SMAP1: variants seen among roughly 807,000 people sequenced by gnomAD.
The protein encoded by SMAP1 is small ArfGAP 1, also known as stromal membrane-associated protein 1.
SMAP1 carries 24 observed loss-of-function variants against 58.5 expected under a neutral mutation model. The ratio of observed to expected loss-of-function variants is 0.41; its 90% CI spans 0.30 to 0.58. The LOEUF is 0.58. SMAP1 is among the 20% of genes least tolerant of loss of function. The probability of loss-of-function intolerance (pLI) is 0.29; values close to 1 mark genes in which losing one functional copy is unlikely to be tolerated. For missense variants in SMAP1, 563 were observed against 566.3 expected (o/e 0.99, Z 0.06); for synonymous variants, 216 against 196.6 (o/e 1.10, Z -0.82).
intron 6 of SMAP1, among the ~76,000 whole-genome samples, chr6:70,800,747 A>G (rs1768808373): frequency 6.8e-6 from 1 of 148,058 alleles, no homozygotes; most frequent in African/African-American, 2.5e-5. Context: ...ATTCCCACCT[A>G]TGAGTGAGAA....
chr6:70,803,443 C>A (rs1048636735), intron 6 of SMAP1, among the ~76,000 whole-genome samples: 1 of 152,006 alleles, frequency 6.6e-6, no homozygotes, highest in African/African-American at 2.4e-5. Flanking sequence ...TTCAAAAAAC[C>A]ACTCCTGGAT....
chr6:70,825,130 G>A (rs1770059294), intron 6 of SMAP1, among the ~76,000 whole-genome samples: 1 of 152,190 alleles, frequency 6.6e-6, no homozygotes, highest in Non-Finnish European at 1.5e-5. Flanking sequence ...GACACACATT[G>A]CGCATATATC....
At chr6:70,691,957 T>C (rs1767186925) in intron 1 of SMAP1, among the ~76,000 whole-genome samples, 1 of 152,216 alleles carries the variant, frequency 6.6e-6, no homozygotes, top group Non-Finnish European at 1.5e-5. Context: ...AATTATTTCC[T>C]TTCTTTTGGG....
chr6:70,772,641 TACTC>T (rs1380963428), intron 3 of SMAP1, among the ~76,000 whole-genome samples: 1 of 152,152 alleles, frequency 6.6e-6, no homozygotes, highest in Non-Finnish European at 1.5e-5. Context: ...CAGTATAAAT[TACTC>T]ACTCTATTAA....
intron 4 of SMAP1, among the ~76,000 whole-genome samples, chr6:70,781,492 A>G (rs1767762477): frequency 6.6e-6 from 1 of 152,370 alleles, no homozygotes; most frequent in East Asian, 1.9e-4. Context: ...TTCATGGTAT[A>G]CTAAAAGCTC....
chr6:70,738,515 A>G (rs930232054), intron 2 of SMAP1, among the ~76,000 whole-genome samples: 2 of 151,924 alleles, frequency 1.3e-5, no homozygotes, highest in Admixed American at 1.3e-4. Context: ...TATTCCTAGA[A>G]AAACCTATGA....
rs1183914017 is a variant in SMAP1, at chr6:70,791,589, A to G, written c.415-100A>G. 19 of 915,466 alleles carry G rather than the reference A, an allele frequency of 2.1e-5. No individual in the cohort carries two copies. The South Asian group carries it at 2.4e-4, about 11-fold the overall frequency. The allele number at this position is 915,466 out of a possible 1,614,324, so 56.7% of individuals were successfully genotyped here. On this transcript the variant is annotated intron_variant, in intron 4 of 10. Coordinates refer to ENST00000370455, the MANE Select transcript of SMAP1 (RefSeq NM_001044305.3). ...TTAACATGCCTCTAAGTGCTTCTATATCTCAAAAATATACAGGGATTTTTT... is the reference window on the plus strand; with the variant it reads ...TTAACATGCCTCTAAGTGCTTCTATGTCTCAAAAATATACAGGGATTTTTT...
In SMAP1 at chr6:70,856,862, A is replaced by T; in HGVS notation, c.793A>T (p.Thr265Ser). ...PATVMPPAQG[T>S]PSAPAAATLS... ...CTTATTTTGGTGTTTGTCTCAGGGG[A>T]CACCCTCTGCACCAGCAGCTGCAAC... The change falls in exon 9 of 11, where the codon ACA (threonine) becomes TCA (serine). Residue 265 changes from threonine (T) to serine (S), a missense_variant. Transcript: ENST00000370455. 3.1e-6 allele frequency: 5 copies of T among 1,608,852 alleles called. No individual in the cohort carries two copies. Among genetic ancestry groups the T allele is most frequent in the Non-Finnish European group, 4.2e-6 (5 of 1,177,224 alleles).
intron 1 of SMAP1, among the ~76,000 whole-genome samples, chr6:70,692,193 T>C (rs1767198542): frequency 6.6e-6 from 1 of 152,228 alleles, no homozygotes. Context: ...TCAGTGATGT[T>C]GAGCACCTTT....
At chr6:70,668,230 G>T in intron 1 of SMAP1, 89 bp downstream of exon 1, 1 of 1,227,908 alleles carries the variant, frequency 8.1e-7, no homozygotes, top group Non-Finnish European at 1.1e-6. Flanking sequence ...CCGAGCGGAC[G>T]CCTCGGCTTC....
intron 6 of SMAP1, among the ~76,000 whole-genome samples, chr6:70,832,172 A>T (rs904166781): frequency 6.6e-6 from 1 of 152,156 alleles, no homozygotes; most frequent in African/African-American, 2.4e-5. Context: ...CCTTTGTCAG[A>T]CGCATACTTA....
chr6:70,741,790 A>G (rs1370702524), intron 2 of SMAP1, among the ~76,000 whole-genome samples: 1 of 152,184 alleles, frequency 6.6e-6, no homozygotes, highest in Non-Finnish European at 1.5e-5. Context: ...TTCTGTTTGG[A>G]CATCCAGGTA....
intron 6 of SMAP1, among the ~76,000 whole-genome samples, chr6:70,828,607 A>G (rs2149989934): frequency 6.6e-6 from 1 of 152,328 alleles, no homozygotes; most frequent in Admixed American, 6.5e-5. Flanking sequence ...CCCCATTGAA[A>G]AACAGTGACA....
At chr6:70,838,133 A>G (rs1178154785) in intron 7 of SMAP1, among the ~76,000 whole-genome samples, 1 of 152,182 alleles carries the variant, frequency 6.6e-6, no homozygotes, top group East Asian at 1.9e-4. Context: ...TAAATGAGAG[A>G]AAAAGAAAAG....
chr6:70,859,639 T>TTA (rs1036889420), intron 10 of SMAP1: 775 of 306,588 alleles, frequency 2.5e-3, no homozygotes, highest in Middle Eastern at 6.7e-3. Flanking sequence ...GTTAAGATGC[T>TTA]TATATATATA....
At chr6:70,846,017 A>G (rs1057359476) in intron 7 of SMAP1, among the ~76,000 whole-genome samples, 1 of 152,164 alleles carries the variant, frequency 6.6e-6, no homozygotes, top group African/African-American at 2.4e-5. Context: ...CCAGTCCAGG[A>G]TATTGGTAGC....
chr6:70,797,169 T>C (rs1464303179), intron 5 of SMAP1, among the ~76,000 whole-genome samples: 1 of 152,204 alleles, frequency 6.6e-6, no homozygotes, highest in Non-Finnish European at 1.5e-5. Flanking sequence ...TGAATTTCTT[T>C]TAAAATTTTG....
At chr6:70,751,553 C>T (rs1009108246) in intron 2 of SMAP1, among the ~76,000 whole-genome samples, 5 of 151,506 alleles carry the variant, frequency 3.3e-5, no homozygotes, top group African/African-American at 1.2e-4. Context: ...CCTCCCCTTT[C>T]TTTTTTCATA....
At chr6:70,719,096 A>G (rs1768403288) in intron 1 of SMAP1, among the ~76,000 whole-genome samples, 2 of 152,206 alleles carry the variant, frequency 1.3e-5, no homozygotes, top group South Asian at 4.1e-4. Context: ...ACTCTTTAAC[A>G]GTAGCAGGTG....
Sources: allele counts gnomAD v4.1 joint callset (sites outside exome capture counted in the v4.1 genomes callset), GRCh38; gene constraint gnomAD v4.1.1; transcripts MANE v1.5; gene names NCBI Gene and HGNC (gene_info 2026-07-23, HGNC 2026-07-21).